PCDH15: variants seen among roughly 807,000 people sequenced by gnomAD.
PCDH15 encodes the protein protocadherin-15.
Under a neutral mutation model 178.5 loss-of-function variants are expected in PCDH15, and 129 were observed. The observed-to-expected ratio is 0.72, with a 90% CI of 0.63 to 0.84. The LOEUF is 0.84. Among genes scored for constraint, PCDH15 ranks in the 40% least tolerant of loss-of-function variants. The pLI is 0.00. For missense variants in PCDH15, 2,230 were observed against 2,099.9 expected, an observed-to-expected ratio of 1.06 and a Z score of -1.21; for synonymous variants, 800 against 732.0, an observed-to-expected ratio of 1.09 and a Z score of -1.50.
intron 1 of PCDH15, among the ~76,000 whole-genome samples, chr10:55,254,578 T>C (rs1011833400): frequency 7.2e-4 from 109 of 152,232 alleles, no homozygotes; most frequent in African/African-American, 2.5e-3. Context: ...AGACAGGACA[T>C]AGAAAAAAAT....
chr10:54,215,153 C>G (rs994123099), intron 9 of PCDH15, among the ~76,000 whole-genome samples: 39 of 150,124 alleles, frequency 2.6e-4, no homozygotes, highest in Admixed American at 8.0e-4. Flanking sequence ...TTACATTTTA[C>G]AGATCATGAC....
intron 2 of PCDH15, among the ~76,000 whole-genome samples, chr10:55,406,532 T>G (rs1346414950): frequency 6.6e-6 from 1 of 152,152 alleles, no homozygotes; most frequent in East Asian, 1.9e-4. Flanking sequence ...ACTGAGCATG[T>G]AACAGCATGA....
intron 1 of PCDH15, among the ~76,000 whole-genome samples, chr10:54,706,790 T>C (rs140096001): frequency 0.019 from 2,921 of 152,110 alleles, 87 homozygotes; most frequent in African/African-American, 0.065. Context: ...TGCCCGGCTA[T>C]TTTTTGTATT....
intron 3 of PCDH15, among the ~76,000 whole-genome samples, chr10:54,493,835 C>G (rs141822182): frequency 0.039 from 5,991 of 152,052 alleles, 169 homozygotes; most frequent in South Asian, 0.096. Flanking sequence ...TGGAACCAAT[C>G]CAAATATCCA....
chr10:54,772,601 C>T (rs200218980), intron 1 of PCDH15, among the ~76,000 whole-genome samples: 239 of 127,270 alleles, frequency 1.9e-3, no homozygotes, highest in Non-Finnish European at 3.2e-3. Context: ...CTCTTATTAA[C>T]GTTCAAAGAA....
intron 2 of PCDH15, among the ~76,000 whole-genome samples, chr10:54,534,603 A>C (rs2084281969): frequency 1.3e-5 from 2 of 152,218 alleles, no homozygotes; most frequent in Non-Finnish European, 2.9e-5. Context: ...TATTCAGAGT[A>C]ATCTAGTCTC....
intron 18 of PCDH15, among the ~76,000 whole-genome samples, chr10:54,038,522 T>A (rs879538845): frequency 3.9e-5 from 6 of 151,920 alleles, no homozygotes; most frequent in Non-Finnish European, 7.4e-5. Context: ...CAATTGCATG[T>A]CACAGTTTTT....
chr10:55,242,472 T>C (rs1841571327), intron 1 of PCDH15, among the ~76,000 whole-genome samples: 1 of 152,170 alleles, frequency 6.6e-6, no homozygotes, highest in African/African-American at 2.4e-5. Context: ...AATAGCCTTT[T>C]CTAAAATCAA....
chr10:55,191,080 A>G (rs1839932195), intron 1 of PCDH15, among the ~76,000 whole-genome samples: 1 of 151,824 alleles, frequency 6.6e-6, no homozygotes, highest in Non-Finnish European at 1.5e-5. Context: ...AGATTTTATT[A>G]GCAATTAGCT....
At position 55,465,670 on chromosome 10, in the gene PCDH15, T is replaced by A. The variant is rs143250020; in HGVS notation, c.-156+161955A>T. 4.5e-4 allele frequency among the ~76,000 whole-genome samples: 68 copies of A among 152,270 alleles called. No individual in the cohort carries two copies. The East Asian group carries it at 0.011, about 26-fold the overall frequency. ...TGAGCATTGCTCAAGTTCACAGATT[T>A]ACTATATAGTATCACATTGTCTTGA... On this transcript the variant is annotated intron_variant, in intron 2 of 5. Coordinates refer to the PCDH15 transcript ENST00000613346.
At chr10:55,063,095 T>TA (rs1476005394) in intron 2 of PCDH15, among the ~76,000 whole-genome samples, 1 of 152,126 alleles carries the variant, frequency 6.6e-6, no homozygotes, top group African/African-American at 2.4e-5. Context: ...GAACATTTGG[T>TA]AAATTGTCCA....
chr10:53,818,055 A>C, intron 33 of PCDH15, 42 bp from the exon 34 acceptor site: 1 of 398,242 alleles, frequency 2.5e-6, no homozygotes, highest in Non-Finnish European at 4.4e-6. Flanking sequence ...AACATCTTAG[A>C]TTTTCGTTAT....
In PCDH15 at chr10:55,077,450, C is replaced by T. The variant is rs771801004; in HGVS notation, c.-80+89126G>A. ...TCCTTCCTTCCTTTCTTCCTTCCTT[C>T]CCTTCCTTCCTTCCTTTCCTTCCTT... On this transcript the variant is annotated intron_variant, in intron 2 of 5. Transcript: ENST00000458638. Among the ~76,000 whole-genome samples the T allele has an allele frequency of 9.1e-3, 930 of 102,028 alleles. 3 individuals carry two copies. The highest frequency in any genetic ancestry group is 0.019 in the South Asian group (58 of 3,126). The allele number at this position is 102,028 out of a possible 152,430, so 66.9% of individuals were successfully genotyped here. A position where few individuals can be genotyped will look rare whatever the true frequency, so the allele number is the denominator to read the frequency against.
At chr10:55,399,338 C>A (rs751525102) in intron 2 of PCDH15, among the ~76,000 whole-genome samples, 9 of 152,070 alleles carry the variant, frequency 5.9e-5, no homozygotes, top group Non-Finnish European at 1.2e-4. Context: ...TATTCTGCCA[C>A]TGGAAACACT....
chr10:55,359,763 C>T (rs1845183862), intron 2 of PCDH15, among the ~76,000 whole-genome samples: 2 of 145,744 alleles, frequency 1.4e-5, no homozygotes, highest in African/African-American at 5.2e-5. Context: ...CACACACACA[C>T]ACACACACAT....
chr10:54,710,146 G>A (rs991504939), intron 1 of PCDH15, among the ~76,000 whole-genome samples: 16 of 151,842 alleles, frequency 1.1e-4, no homozygotes, highest in African/African-American at 3.6e-4. Flanking sequence ...CCAAGCAAAC[G>A]TTTGAGTAAT....
At chr10:55,300,571 C>T (rs1843247101) in intron 1 of PCDH15, among the ~76,000 whole-genome samples, 1 of 152,098 alleles carries the variant, frequency 6.6e-6, no homozygotes, top group Non-Finnish European at 1.5e-5. Context: ...TGGAAATTCA[C>T]CCAATATTTA....
intron 2 of PCDH15, among the ~76,000 whole-genome samples, chr10:55,598,836 G>A (rs781677734): frequency 5.5e-4 from 83 of 151,866 alleles, no homozygotes; most frequent in Middle Eastern, 6.8e-3. Context: ...ATCGTAACAC[G>A]GTAAGTGTAC....
In PCDH15 at chr10:54,267,163, AT is replaced by A. The variant is rs1233175549; in HGVS notation, c.877-30233del. On this transcript the variant is annotated intron_variant, in intron 8 of 37. Transcript: ENST00000644397. ...TAATGTGATTTATCACATAAAGAGA[AT>A]TAAAAATGAAAAAAATAAGATTATC... 2.0e-5 allele frequency among the ~76,000 whole-genome samples: 3 copies of A among 149,622 alleles called. No individual in the cohort carries two copies. In the Admixed American group the frequency reaches 2.0e-4, roughly 10 times the overall value.
Sources: gnomAD v4.1 joint callset for allele counts (sites outside exome capture counted in the v4.1 genomes callset) on GRCh38, gnomAD v4.1.1 for gene constraint, MANE v1.5 for transcripts, NCBI Gene and HGNC (gene_info 2026-07-23, HGNC 2026-07-21) for gene names.